Variants in CLTC observed in about 807,000 individuals in gnomAD.
CLTC encodes clathrin heavy chain 1.
A neutral mutation model predicts 195.8 loss-of-function variants in CLTC; 16 were observed. The observed-to-expected ratio is 0.08, with a 90% confidence interval of 0.06 to 0.12. CLTC has a LOEUF of 0.12. Among genes scored for constraint, CLTC ranks in the 10% least tolerant of loss-of-function variants. CLTC has a pLI of 1.00. For synonymous variants in CLTC, 667 were observed against 689.4 expected (o/e 0.97, Z 0.51); for missense variants, 796 against 2,027.0 (o/e 0.39, Z 11.66).
At chr17:59,629,124 GA>G (rs34915361) in intron 1 of CLTC, among the ~76,000 whole-genome samples, 8 of 152,170 alleles carry the variant, frequency 5.3e-5, no homozygotes, top group Non-Finnish European at 1.2e-4. Context: ...TAATAAGGGG[GA>G]AAAACGTGTA....
chr17:59,635,191 T>A (rs970634508), intron 1 of CLTC, among the ~76,000 whole-genome samples: 1 of 152,218 alleles, frequency 6.6e-6, no homozygotes, highest in Non-Finnish European at 1.5e-5. Context: ...AAACAGTAGC[T>A]CATACATACT....
intron 1 of CLTC, among the ~76,000 whole-genome samples, chr17:59,638,339 A>C (rs2031929206): frequency 6.6e-6 from 1 of 151,942 alleles, no homozygotes; most frequent in Non-Finnish European, 1.5e-5. Context: ...CTGTCTCTTA[A>C]AAAAAAACAG....
At position 59,685,055 on chromosome 17, in the gene CLTC, G is replaced by T; in HGVS notation, c.4435-1G>T. On this transcript the variant is annotated splice_acceptor_variant, in intron 28 of 31. Transcript: ENST00000269122. LOFTEE classifies it high-confidence loss of function. The surrounding 1 kb of genome is among the most constrained non-coding windows in gnomAD (Gnocchi z 5.0). ...CATTTGGATGGCTTTTTTTTTTTAA[G>T]GCTCTGCGAACATCAATAGATGCTT... 1 of 1,529,526 alleles carries T rather than the reference G, an allele frequency of 6.5e-7. No homozygotes were observed. The allele number at this position is 1,529,526 out of a possible 1,614,324, so 94.7% of individuals were successfully genotyped here.
intron 2 of CLTC, among the ~76,000 whole-genome samples, chr17:59,646,410 CAT>C (rs923558735): frequency 4.6e-5 from 7 of 152,166 alleles, no homozygotes; most frequent in African/African-American, 1.7e-4. Flanking sequence ...AATTTTTGCA[CAT>C]GTGTTACGGA....
At chr17:59,635,489 ATT>A (rs2031834721) in intron 1 of CLTC, among the ~76,000 whole-genome samples, 2 of 152,298 alleles carry the variant, frequency 1.3e-5, no homozygotes, top group Non-Finnish European at 1.5e-5. Flanking sequence ...AAGCAAACCT[ATT>A]ACTCCTTTAA....
At chr17:59,657,276 C>G (rs1186977194) in intron 6 of CLTC, among the ~76,000 whole-genome samples, 1 of 152,146 alleles carries the variant, frequency 6.6e-6, no homozygotes, top group East Asian at 1.9e-4. Flanking sequence ...ACTCCTAGAA[C>G]TTAGGGCTTT....
intron 1 of CLTC, among the ~76,000 whole-genome samples, chr17:59,643,138 T>G (rs1046379658): frequency 6.8e-6 from 1 of 148,036 alleles, no homozygotes; most frequent in Middle Eastern, 3.3e-3. Flanking sequence ...CTGGGGTGTG[T>G]GTGTGTGTGT....
intron 10 of CLTC, among the ~76,000 whole-genome samples, chr17:59,665,637 G>A (rs1234719742): frequency 2.6e-5 from 4 of 152,148 alleles, no homozygotes; most frequent in Non-Finnish European, 5.9e-5. Context: ...TCAGGAGTTT[G>A]AGACCAGCCT....
At chr17:59,664,118 T>C in intron 9 of CLTC, 124 bp downstream of exon 9, 1 of 842,372 alleles carries the variant, frequency 1.2e-6, no homozygotes, top group Non-Finnish European at 1.8e-6. Flanking sequence ...CTTTGAAATG[T>C]ATAAAAATTC....
At chr17:59,673,995 C>T (rs558812806) in intron 15 of CLTC, among the ~76,000 whole-genome samples, 2 of 152,202 alleles carry the variant, frequency 1.3e-5, no homozygotes, top group South Asian at 4.1e-4. Flanking sequence ...AACTCCTGGG[C>T]TCAAGCAGTC....
In CLTC at chr17:59,619,914, G is replaced by T. The variant is rs1434474893; in HGVS notation, c.-218G>T. On this transcript the variant is annotated 5_prime_UTR_variant, in exon 1 of 32. Coordinates refer to ENST00000269122, the MANE Select transcript of CLTC (RefSeq NM_004859.4). The stretch of plus-strand genomic sequence containing the variant: ...GGGCTCAGCCGTTTCCGGAGTCTGC[G>T]CTGCGCCCGGTTCCGCCATTGCGGC... 4 of 531,594 alleles carry T rather than the reference G, an allele frequency of 7.5e-6. No individual in the cohort carries two copies. The highest frequency in any genetic ancestry group is 1.4e-5 in the Non-Finnish European group (4 of 296,288). 32.9% of individuals were successfully genotyped at this position (531,594 alleles called of 1,614,324 possible).
At chr17:59,636,308 A>T (rs916065144) in intron 1 of CLTC, among the ~76,000 whole-genome samples, 13 of 152,194 alleles carry the variant, frequency 8.5e-5, no homozygotes, top group Admixed American at 6.5e-4. Context: ...AAGGATGGAT[A>T]CTTTTTTTCC....
intron 1 of CLTC, among the ~76,000 whole-genome samples, chr17:59,635,034 C>T (rs2031822545): frequency 6.6e-6 from 1 of 152,162 alleles, no homozygotes. Flanking sequence ...CTTAAAAATG[C>T]TTGTATTGAG....
chr17:59,677,848 A>C (rs1483752001), intron 17 of CLTC, among the ~76,000 whole-genome samples: 1 of 152,246 alleles, frequency 6.6e-6, no homozygotes, highest in African/African-American at 2.4e-5. Flanking sequence ...TGAAATTTCA[A>C]GCAACATCAA....
rs1479462420 is a variant in CLTC, at chr17:59,685,398, C to T, written c.4605+172C>T. Among the ~76,000 whole-genome samples the T allele has an allele frequency of 6.6e-6, 1 of 152,058 alleles. No individual in the cohort carries two copies. Among genetic ancestry groups the T allele is most frequent in the Non-Finnish European group, 1.5e-5 (1 of 67,992 alleles). On this transcript the variant is annotated intron_variant, in intron 29 of 31. Coordinates refer to ENST00000269122, the MANE Select transcript of CLTC (RefSeq NM_004859.4). The surrounding 1 kb of genome is among the most constrained non-coding windows in gnomAD (Gnocchi z 5.0). ...GGGGCTCTCTTATGTTAAGGTCAAA[C>T]TTGTCTGGGGAAAAAAAAGCTTTTA...
chr17:59,627,071 G>A (rs2031574262), intron 1 of CLTC, among the ~76,000 whole-genome samples: 1 of 57,184 alleles, frequency 1.7e-5, no homozygotes, highest in African/African-American at 3.9e-5. Flanking sequence ...GCTAATTTTT[G>A]TATTTTTTTT....
At chr17:59,632,240 T>C (rs1345809012) in intron 1 of CLTC, among the ~76,000 whole-genome samples, 5 of 151,184 alleles carry the variant, frequency 3.3e-5, no homozygotes, top group Admixed American at 6.6e-5. Context: ...CGGTGGCGGG[T>C]GCCTGTAGTC....
chr17:59,684,997 C>T (rs960968016), intron 28 of CLTC, 59 bp from the exon 29 acceptor site: 27 of 1,351,758 alleles, frequency 2.0e-5, no homozygotes, highest in African/African-American at 1.9e-4. Context: ...TGATTGAGAA[C>T]GGAATATAAT....
rs545611611 is a variant in CLTC, at chr17:59,633,500, G to GA, written c.43-10767dup. ...AGAGCGAGACTCCATCTCAAAAAAA[G>GA]AAAAAAAAATACTCTAGTGACTCAA... On this transcript the variant is annotated intron_variant, in intron 1 of 31. Coordinates refer to ENST00000269122, the MANE Select transcript of CLTC (RefSeq NM_004859.4). 3.0e-4 allele frequency among the ~76,000 whole-genome samples: 45 copies of GA among 149,626 alleles called. 1 individual carries two copies. The South Asian group carries it at 6.8e-3, about 23-fold the overall frequency.
Sources: gnomAD v4.1 joint callset for allele counts (sites outside exome capture counted in the v4.1 genomes callset) on GRCh38, gnomAD v4.1.1 for gene constraint, Gnocchi (gnomAD v3.1) non-coding constraint, MANE v1.5 for transcripts, NCBI Gene and HGNC (gene_info 2026-07-23, HGNC 2026-07-21) for gene names.